The following BCR variants were observed in gnomAD, a reference collection of about 807,000 sequenced individuals.
BCR encodes the protein BCR activator of RhoGEF and GTPase, also known as breakpoint cluster region protein.
Under a neutral mutation model 138.6 loss-of-function variants are expected in BCR, and 58 were observed. That is an observed-to-expected ratio of 0.42 (90% CI 0.34 to 0.52). BCR has a LOEUF of 0.52. Among genes scored for constraint, BCR ranks in the 20% least tolerant of loss-of-function variants. The pLI, the probability that BCR is intolerant of heterozygous loss-of-function variation, is 0.06. For synonymous variants in BCR, 786 were observed against 730.1 expected, an observed-to-expected ratio of 1.08 and a Z score of -1.23; for missense variants, 1,599 against 1,727.2, an observed-to-expected ratio of 0.93 and a Z score of 1.32.
rs761732478 is a variant in BCR, at chr22:23,289,639, C to CAAGGAAG, written c.2707+18_2707+19insAAGGAAG. 11 of 1,601,042 alleles carry CAAGGAAG rather than the reference C, an allele frequency of 6.9e-6. No individual in the cohort carries two copies. The highest frequency in any genetic ancestry group is 8.6e-6 in the Non-Finnish European group (10 of 1,168,452). ...TAAGGAAGGTGGGCCCCCCCGTTTC[C>CAAGGAAG]GTGTACAGGGCACCTGCAGGGAGGG... On this transcript the variant is annotated intron_variant, in intron 13 of 22. Transcript: ENST00000305877.
intron 1 of BCR, among the ~76,000 whole-genome samples, chr22:23,200,807 G>A (rs2072544792): frequency 6.6e-6 from 1 of 152,054 alleles, no homozygotes; most frequent in South Asian, 2.1e-4. Context: ...CGATCCACCC[G>A]CCTTGGCCTC....
intron 1 of BCR, among the ~76,000 whole-genome samples, chr22:23,224,389 C>T (rs1481169779): frequency 1.3e-5 from 2 of 152,330 alleles, no homozygotes; most frequent in East Asian, 3.9e-4. Context: ...TCAGCTCTCA[C>T]TTGTGCCTCC....
chr22:23,195,868 A>G (rs2146204616), intron 1 of BCR, among the ~76,000 whole-genome samples: 1 of 152,374 alleles, frequency 6.6e-6, no homozygotes, highest in African/African-American at 2.4e-5. Context: ...GGCCTGGGCA[A>G]CAAGAGTGAA....
At chr22:23,271,464 G>T in intron 5 of BCR, 68 bp from the exon 6 acceptor site, 2 of 1,507,282 alleles carry the variant, frequency 1.3e-6, no homozygotes, top group Non-Finnish European at 9.2e-7. Context: ...TGTTGCCAAA[G>T]GGGGAACTGT....
In BCR at chr22:23,180,804, C is replaced by A; in HGVS notation, c.-157C>A. The A allele has an allele frequency of 3.8e-6, 1 of 265,538 alleles. No individual in the cohort carries two copies. The highest frequency in any genetic ancestry group is 5.7e-6 in the Non-Finnish European group (1 of 175,108). The allele number at this position is 265,538 out of a possible 1,614,324, so 16.4% of individuals were successfully genotyped here. Reference sequence around the variant, plus strand: ...CGCCGAGCGCCCCGCTCCGCCTCACCTGCCACCAGGGAGTGGGCGGGCATT... The same window carrying A: ...CGCCGAGCGCCCCGCTCCGCCTCACATGCCACCAGGGAGTGGGCGGGCATT... On this transcript the variant is annotated 5_prime_UTR_variant, in exon 1 of 23. It adds an upstream start codon to the 5' untranslated region. Transcript: ENST00000305877.
At chr22:23,212,286 G>A (rs1485660881) in intron 1 of BCR, among the ~76,000 whole-genome samples, 1 of 152,206 alleles carries the variant, frequency 6.6e-6, no homozygotes, top group Non-Finnish European at 1.5e-5. Context: ...GACACACTGG[G>A]TTTGTACAGG....
chr22:23,185,721 G>GT (rs369455901), intron 1 of BCR, among the ~76,000 whole-genome samples: 2,264 of 148,328 alleles, frequency 0.015, 62 homozygotes, highest in African/African-American at 0.044. Flanking sequence ...GGTTCTCTCT[G>GT]TTTTTTTTGT....
intron 1 of BCR, among the ~76,000 whole-genome samples, chr22:23,195,445 A>C (rs1309143489): frequency 2.1e-5 from 3 of 145,884 alleles, no homozygotes; most frequent in Non-Finnish European, 3.0e-5. Flanking sequence ...AAAAAATATC[A>C]GCTGGGCATG....
At chr22:23,210,053 C>G (rs1334574726) in intron 1 of BCR, among the ~76,000 whole-genome samples, 1 of 152,012 alleles carries the variant, frequency 6.6e-6, no homozygotes, top group East Asian at 1.9e-4. Context: ...TAATTTTTAC[C>G]CTAGAAAAAA....
chr22:23,220,094 G>T (rs935795016), intron 1 of BCR, among the ~76,000 whole-genome samples: 3 of 152,208 alleles, frequency 2.0e-5, no homozygotes, highest in African/African-American at 7.2e-5. Flanking sequence ...AGGCTGTGTG[G>T]GCACGGTTCC....
chr22:23,292,913 C>T (rs1269516015), intron 15 of BCR, among the ~76,000 whole-genome samples: 1 of 152,168 alleles, frequency 6.6e-6, no homozygotes, highest in Non-Finnish European at 1.5e-5. Flanking sequence ...TTTTTGTCTG[C>T]CTTTGTTAGC....
At chr22:23,188,319 T>C (rs1278369078) in intron 1 of BCR, among the ~76,000 whole-genome samples, 1 of 152,250 alleles carries the variant, frequency 6.6e-6, no homozygotes, top group Non-Finnish European at 1.5e-5. Context: ...AAGAAGGAGC[T>C]GGGAGTGCTG....
intron 1 of BCR, among the ~76,000 whole-genome samples, chr22:23,200,635 G>A (rs780719057): frequency 6.6e-6 from 1 of 152,148 alleles, no homozygotes; most frequent in Admixed American, 6.5e-5. Context: ...ATGGCTCACC[G>A]CAGCCTTGAC....
intron 1 of BCR, among the ~76,000 whole-genome samples, chr22:23,231,922 C>T (rs1290260300): frequency 6.6e-6 from 1 of 152,184 alleles, no homozygotes; most frequent in Non-Finnish European, 1.5e-5. Context: ...TCCTTGGTTC[C>T]CCTGGCCCTG....
At chr22:23,213,513 T>G (rs2146222736) in intron 1 of BCR, among the ~76,000 whole-genome samples, 1 of 152,050 alleles carries the variant, frequency 6.6e-6, no homozygotes, top group East Asian at 1.9e-4. Context: ...ACACCGTGAG[T>G]GGATGTGCCA....
At chr22:23,243,572 C>T (rs778835457) in intron 1 of BCR, among the ~76,000 whole-genome samples, 42 of 151,992 alleles carry the variant, frequency 2.8e-4, no homozygotes, top group Admixed American at 6.6e-4. Flanking sequence ...GTTTGGCTTT[C>T]GTGAGTGGTA....
intron 16 of BCR, among the ~76,000 whole-genome samples, chr22:23,300,650 G>A (rs1383517546): frequency 6.6e-6 from 1 of 152,196 alleles, no homozygotes; most frequent in African/African-American, 2.4e-5. Context: ...CTCACTGCGT[G>A]GTGGGGACTT....
chr22:23,253,921 A>G lies in BCR; in HGVS notation c.1402A>G (p.Ser468Gly), dbSNP rs570703729. 6.8e-5 allele frequency: 109 copies of G among 1,613,118 alleles called. No individual in the cohort carries two copies. The East Asian group carries it at 2.1e-3, about 31-fold the overall frequency. Residue 468 changes from serine to glycine, a missense_variant, in exon 2 of 23, where the codon AGC (serine) becomes GGC (glycine). Physicochemically the swap from Ser to Gly is moderately conservative, Grantham distance 56. This residue lies in a region of BCR where 590 missense variants were observed against 762.4 expected (regional missense o/e 0.77). Coordinates refer to ENST00000305877, the MANE Select transcript of BCR (RefSeq NM_004327.4). ...GCCCTCCTCATCGCCCCACCTCAGC[A>G]GCAAGGGCAGGGGCAGCCGGGATGC... ...DSPSSSPHLS[S>G]KGRGSRDALV...
chr22:23,275,049 C>G (rs1012056483), intron 8 of BCR, among the ~76,000 whole-genome samples: 2 of 152,164 alleles, frequency 1.3e-5, no homozygotes, highest in African/African-American at 4.8e-5. Flanking sequence ...ATGGGGCTTG[C>G]TTTCCTCCTC....
Sources: allele counts gnomAD v4.1 joint callset (sites outside exome capture counted in the v4.1 genomes callset), GRCh38; gene constraint gnomAD v4.1.1; regional missense constraint gnomAD v4.1.1; transcripts MANE v1.5; gene names NCBI Gene and HGNC (gene_info 2026-07-23, HGNC 2026-07-21).